Variants in MCPH1 observed in about 807,000 individuals in gnomAD.
The protein encoded by MCPH1 is microcephalin.
In MCPH1, 104 loss-of-function variants were observed where a neutral mutation model predicts 84.5. The observed-to-expected ratio is 1.23, with a 90% CI of 1.05 to 1.45. The LOEUF is 1.45. Among genes scored for constraint, MCPH1 ranks in the 40% most tolerant of loss-of-function variants. The probability of loss-of-function intolerance (pLI) is 0.00; values close to 1 mark genes in which losing one functional copy is unlikely to be tolerated. For synonymous variants in MCPH1, 514 were observed against 366.8 expected (o/e 1.40, Z -4.58); for missense variants, 1,498 against 1,005.7 (o/e 1.49, Z -6.62).
chr8:6,532,920 A>C (rs1819801763), intron 12 of MCPH1, among the ~76,000 whole-genome samples: 1 of 152,206 alleles, frequency 6.6e-6, no homozygotes, highest in Non-Finnish European at 1.5e-5. Context: ...CTCACATTCT[A>C]GACTTTTGGT....
rs555521462 is a variant in MCPH1 at position 6,647,162 on chromosome 8, G to A, written c.*4113G>A. The A allele has an allele frequency of 4.6e-5, 7 of 152,200 alleles. No homozygotes were observed. Among genetic ancestry groups the A allele is most frequent in the Non-Finnish European group, 7.4e-5 (5 of 68,002 alleles). The allele number at this position is 152,200 out of a possible 1,614,324, so 9.4% of individuals were successfully genotyped here. ...ATGCAAGAAGATATACAAATATTAA[G>A]CACATTAAAATGCTCAATATTATTA... On this transcript the variant is annotated 3_prime_UTR_variant, in exon 14 of 14. Transcript: ENST00000344683.
At chr8:6,607,657 C>T (rs968566161) in intron 12 of MCPH1, among the ~76,000 whole-genome samples, 2 of 152,120 alleles carry the variant, frequency 1.3e-5, no homozygotes, top group East Asian at 3.9e-4. Flanking sequence ...GGGGCAGTTT[C>T]CCCCCATACA....
At chr8:6,491,704 C>T in intron 11 of MCPH1, among the ~76,000 whole-genome samples, 1 of 151,908 alleles carries the variant, frequency 6.6e-6, no homozygotes, top group East Asian at 1.9e-4. Context: ...CAATTCCCAC[C>T]TATGAGTGAG....
chr8:6,411,092 A>C (rs1798472860), intron 2 of MCPH1, among the ~76,000 whole-genome samples: 1 of 152,096 alleles, frequency 6.6e-6, no homozygotes, highest in South Asian at 2.1e-4. Flanking sequence ...TCTGTCTCCA[A>C]AAACCAAAAA....
intron 12 of MCPH1, among the ~76,000 whole-genome samples, chr8:6,548,774 G>T (rs186910189): frequency 1.3e-5 from 2 of 152,280 alleles, no homozygotes; most frequent in East Asian, 3.9e-4. Flanking sequence ...AAAAAAAGAA[G>T]GTGCTATCAG....
At chr8:6,519,104 G>C (rs1015508512) in intron 12 of MCPH1, among the ~76,000 whole-genome samples, 3 of 152,140 alleles carry the variant, frequency 2.0e-5, no homozygotes, top group African/African-American at 7.2e-5. Flanking sequence ...TCCGCTGCTG[G>C]AGAAGAAAAT....
chr8:6,622,948 C>G (rs1430517832), intron 13 of MCPH1, among the ~76,000 whole-genome samples: 6 of 151,912 alleles, frequency 3.9e-5, no homozygotes, highest in Non-Finnish European at 8.8e-5. Flanking sequence ...TGAAGTGATT[C>G]TCCTGCCTCA....
chr8:6,538,415 A>T (rs188491795), intron 12 of MCPH1, among the ~76,000 whole-genome samples: 7 of 152,138 alleles, frequency 4.6e-5, no homozygotes, highest in Admixed American at 2.0e-4. Context: ...TCCACATGCA[A>T]AGCTGGTGAC....
intron 12 of MCPH1, among the ~76,000 whole-genome samples, chr8:6,529,700 A>G (rs1426863335): frequency 6.7e-6 from 1 of 150,062 alleles, no homozygotes; most frequent in Non-Finnish European, 1.5e-5. Flanking sequence ...CCTGATCTCA[A>G]GCGATCCACC....
At chr8:6,520,366 G>T (rs960738567) in intron 12 of MCPH1, among the ~76,000 whole-genome samples, 1 of 152,142 alleles carries the variant, frequency 6.6e-6, no homozygotes, top group African/African-American at 2.4e-5. Flanking sequence ...AATTTAAAAA[G>T]AATGTCCCTA....
intron 12 of MCPH1, among the ~76,000 whole-genome samples, chr8:6,547,438 G>C (rs745963789): frequency 6.6e-6 from 1 of 152,052 alleles, no homozygotes; most frequent in Non-Finnish European, 1.5e-5. Context: ...ACTGCCATAA[G>C]TTATAAAAAG....
chr8:6,625,982 G>T, intron 13 of MCPH1: 3 of 985,198 alleles, frequency 3.0e-6, no homozygotes, highest in Non-Finnish European at 2.4e-6. Context: ...GGAGGGAAAG[G>T]AAGGTGGGTA....
intron 12 of MCPH1, chr8:6,513,692 T>C (rs572445106): frequency 1.9e-6 from 3 of 1,610,366 alleles, no homozygotes; most frequent in Non-Finnish European, 2.5e-6. Flanking sequence ...AATTGAGTTC[T>C]TCACTTGAGA....
chr8:6,515,892 G>A (rs1308747251), intron 12 of MCPH1, among the ~76,000 whole-genome samples: 4 of 152,210 alleles, frequency 2.6e-5, no homozygotes, highest in Non-Finnish European at 4.4e-5. Context: ...AGAACCAAGA[G>A]AGTGCTATTC....
In MCPH1 at chr8:6,621,496, G is replaced by C. The variant is rs587783737; in HGVS notation, c.2257G>C (p.Gly753Arg). 3.6e-5 allele frequency: 58 copies of C among 1,614,092 alleles called. 1 individual carries two copies. The African/African-American group carries it at 7.2e-4, about 20-fold the overall frequency. The change falls in exon 13 of 14, where the codon GGA becomes CGA. Residue 753 changes from glycine (G) to arginine (R), a missense_variant. Coordinates refer to ENST00000344683, the MANE Select transcript of MCPH1 (RefSeq NM_024596.5). ...ECHLSAGPYR[G>R]TLFADQPAMF... ...CCACTTGTCTGCAGGGCCGTACCGC[G>C]GAACCCTCTTTGCCGACCAGCCAGC...
chr8:6,436,257 G>A (rs538364000), intron 5 of MCPH1, 95 bp downstream of exon 5: 10 of 1,302,738 alleles, frequency 7.7e-6, no homozygotes, highest in African/African-American at 5.9e-5. Flanking sequence ...TGAGAGAGCT[G>A]ATGAAGACTA....
At chr8:6,468,644 T>G (rs1807304404) in intron 9 of MCPH1, among the ~76,000 whole-genome samples, 1 of 137,488 alleles carries the variant, frequency 7.3e-6, no homozygotes, top group African/African-American at 3.1e-5. Flanking sequence ...TACATTTTTT[T>G]GGTTTTTTTT....
At chr8:6,544,019 GA>G (rs1822088839) in intron 12 of MCPH1, among the ~76,000 whole-genome samples, 1 of 152,184 alleles carries the variant, frequency 6.6e-6, no homozygotes, top group South Asian at 2.1e-4. Flanking sequence ...ATCAGCAGTA[GA>G]ATGTTTTCAG....
At chr8:6,618,238 C>T (rs192497486) in intron 12 of MCPH1, among the ~76,000 whole-genome samples, 2 of 152,352 alleles carry the variant, frequency 1.3e-5, no homozygotes, top group Admixed American at 6.5e-5. Flanking sequence ...AGTGGTGATA[C>T]AATGAGAACA....
Sources: allele counts gnomAD v4.1 joint callset (sites outside exome capture counted in the v4.1 genomes callset), GRCh38; gene constraint gnomAD v4.1.1; transcripts MANE v1.5; gene names NCBI Gene and HGNC (gene_info 2026-07-23, HGNC 2026-07-21).